Variants in NPAS3 observed in about 807,000 individuals in gnomAD.
NPAS3 encodes the protein neuronal PAS domain-containing protein 3.
In NPAS3, 14 loss-of-function variants were observed where a neutral mutation model predicts 73.1. The observed-to-expected ratio is 0.19, with a 90% CI of 0.13 to 0.30. NPAS3 has a LOEUF of 0.30. Among genes scored for constraint, NPAS3 ranks in the 10% least tolerant of loss-of-function variants. The pLI is 1.00. For missense variants in NPAS3, 1,096 were observed against 1,250.0 expected (o/e 0.88, Z 1.86); for synonymous variants, 620 against 541.5 (o/e 1.14, Z -2.01).
intron 6 of NPAS3, among the ~76,000 whole-genome samples, chr14:33,730,648 G>A (rs892817346): frequency 3.3e-5 from 5 of 152,174 alleles, no homozygotes; most frequent in South Asian, 2.1e-4. Flanking sequence ...AACTCCGTGT[G>A]GCTGAGGAAG....
intron 3 of NPAS3, among the ~76,000 whole-genome samples, chr14:33,348,528 C>G (rs1187142268): frequency 6.6e-6 from 1 of 152,138 alleles, no homozygotes; most frequent in African/African-American, 2.4e-5. Context: ...TATTTTTAAC[C>G]ATCTTTTAGA....
At chr14:33,695,205 T>C (rs1718860811) in intron 6 of NPAS3, among the ~76,000 whole-genome samples, 1 of 152,216 alleles carries the variant, frequency 6.6e-6, no homozygotes, top group Non-Finnish European at 1.5e-5. Flanking sequence ...TCACAGTATT[T>C]TTTAAAGTAT....
intron 5 of NPAS3, among the ~76,000 whole-genome samples, chr14:33,653,534 G>C (rs947289577): frequency 6.6e-6 from 1 of 152,204 alleles, no homozygotes; most frequent in Admixed American, 6.5e-5. Flanking sequence ...TACTCACATC[G>C]TTAAAAAATA....
At chr14:33,031,817 G>T (rs575747655) in intron 1 of NPAS3, among the ~76,000 whole-genome samples, 2 of 152,316 alleles carry the variant, frequency 1.3e-5, no homozygotes, top group East Asian at 1.9e-4. Context: ...CATGTGTTTT[G>T]TGAACATCTA....
chr14:33,538,554 T>C (rs1194851252), intron 4 of NPAS3, among the ~76,000 whole-genome samples: 11 of 152,230 alleles, frequency 7.2e-5, no homozygotes, highest in Non-Finnish European at 1.3e-4. Flanking sequence ...AGTTATCTAA[T>C]ATTAAAATCT....
chr14:33,028,187 G>A (rs548171003), intron 1 of NPAS3, among the ~76,000 whole-genome samples: 86 of 152,260 alleles, frequency 5.6e-4, no homozygotes, highest in Non-Finnish European at 1.0e-3. Context: ...GCCTCCACGT[G>A]TGAAATACAT....
chr14:32,985,702 A>G (rs2038069141), intron 1 of NPAS3, among the ~76,000 whole-genome samples: 1 of 152,212 alleles, frequency 6.6e-6, no homozygotes, highest in Admixed American at 6.5e-5. Context: ...GCAGAAAAAA[A>G]GATTTCAGGC....
chr14:33,520,932 G>T (rs2140099171), intron 4 of NPAS3, among the ~76,000 whole-genome samples: 1 of 152,248 alleles, frequency 6.6e-6, no homozygotes, highest in East Asian at 1.9e-4. Flanking sequence ...ATGATAATCG[G>T]ATGATAATGT....
rs150403423 is a variant in NPAS3 at position 33,538,581 on chromosome 14, T to C, written c.469-21540T>C. 1.9e-3 allele frequency among the ~76,000 whole-genome samples: 286 copies of C among 152,324 alleles called. 2 individuals carry two copies. The highest frequency in any genetic ancestry group is 6.3e-3 in the African/African-American group (262 of 41,576). On this transcript the variant is annotated intron_variant, in intron 4 of 11. Transcript: ENST00000356141. ...TTAAAATCTGCTGTTGCAAAAAGAC[T>C]TGTCACCTAAACCTTGGCATTAGGA...
intron 3 of NPAS3, among the ~76,000 whole-genome samples, chr14:33,341,028 T>G (rs1198920578): frequency 6.6e-6 from 1 of 152,228 alleles, no homozygotes; most frequent in Non-Finnish European, 1.5e-5. Flanking sequence ...TTTTCATGTG[T>G]AGTATGTAAT....
intron 2 of NPAS3, among the ~76,000 whole-genome samples, chr14:33,065,958 G>C (rs929861102): frequency 6.6e-6 from 1 of 152,028 alleles, no homozygotes; most frequent in Non-Finnish European, 1.5e-5. Flanking sequence ...AACTGTTTTA[G>C]GAGTAAAATT....
chr14:33,365,068 C>G (rs2045776955), intron 3 of NPAS3, among the ~76,000 whole-genome samples: 1 of 151,136 alleles, frequency 6.6e-6, no homozygotes, highest in Non-Finnish European at 1.5e-5. Flanking sequence ...CCCTGAAGTG[C>G]CCCCCCAAAT....
intron 5 of NPAS3, among the ~76,000 whole-genome samples, chr14:33,595,092 T>G (rs2057195567): frequency 6.6e-6 from 1 of 152,192 alleles, no homozygotes; most frequent in Admixed American, 6.5e-5. Flanking sequence ...GCCTCCAATT[T>G]TTTCCTCAAA....
chr14:33,723,280 T>G (rs943484853), intron 6 of NPAS3, among the ~76,000 whole-genome samples: 2 of 152,168 alleles, frequency 1.3e-5, no homozygotes, highest in African/African-American at 4.8e-5. Flanking sequence ...ACTGCACTCA[T>G]GCAAAACCCT....
In NPAS3 at chr14:33,577,373, G is replaced by A. The variant is rs531295481; in HGVS notation, c.558+17163G>A. On this transcript the variant is annotated intron_variant, in intron 5 of 11. Transcript: ENST00000356141. ...TTCTGAGATTTGTGAGGCTTAGGGT[G>A]TATTTTTCACGTTTGTTTTATCTTT... Among the ~76,000 whole-genome samples, 5 of 152,292 alleles carry A rather than the reference G, an allele frequency of 3.3e-5. No homozygotes were observed. In the South Asian group the frequency reaches 8.3e-4, roughly 25 times the overall value.
At chr14:33,769,751 T>TTTTC (rs375758099) in intron 7 of NPAS3, among the ~76,000 whole-genome samples, 86 of 115,824 alleles carry the variant, frequency 7.4e-4, no homozygotes, top group East Asian at 2.1e-3. Flanking sequence ...TTGGATTTTT[T>TTTTC]TTTTCTTTTT....
At chr14:33,235,333 T>G (rs901048108) in intron 3 of NPAS3, among the ~76,000 whole-genome samples, 1 of 152,114 alleles carries the variant, frequency 6.6e-6, no homozygotes, top group Non-Finnish European at 1.5e-5. Flanking sequence ...TGTGGTCTTT[T>G]TGTTCACTGA....
intron 7 of NPAS3, among the ~76,000 whole-genome samples, chr14:33,773,774 G>A (rs961351867): frequency 2.6e-5 from 4 of 152,136 alleles, no homozygotes; most frequent in Non-Finnish European, 5.9e-5. Context: ...ATAAATCACT[G>A]TACCACTGGG....
intron 1 of NPAS3, among the ~76,000 whole-genome samples, chr14:32,957,840 T>C (rs1453414287): frequency 6.6e-6 from 1 of 152,214 alleles, no homozygotes; most frequent in Non-Finnish European, 1.5e-5. Flanking sequence ...CTGAATTTGG[T>C]GGTAAAATCA....
Sources: gnomAD v4.1 joint callset for allele counts (sites outside exome capture counted in the v4.1 genomes callset) on GRCh38, gnomAD v4.1.1 for gene constraint, MANE v1.5 for transcripts, NCBI Gene and HGNC (gene_info 2026-07-23, HGNC 2026-07-21) for gene names.